The following BABAM2 variants were observed in gnomAD, a reference collection of about 807,000 sequenced individuals.
BABAM2 encodes BRISC and BRCA1-A complex member 2.
A neutral mutation model predicts 54.7 loss-of-function variants in BABAM2; 31 were observed. The observed-to-expected ratio is 0.57, with a 90% CI of 0.43 to 0.77. BABAM2 has a LOEUF of 0.77. Ranked by LOEUF, BABAM2 falls within the 30% of genes least tolerant of loss-of-function variation. The pLI, the probability that BABAM2 is intolerant of heterozygous loss-of-function variation, is 0.00. For synonymous variants in BABAM2, 167 were observed against 162.9 expected (o/e 1.03, Z -0.19); for missense variants, 364 against 455.8 (o/e 0.80, Z 1.83).
chr2:27,935,858 C>A (rs1383446900), intron 3 of BABAM2, among the ~76,000 whole-genome samples: 1 of 152,184 alleles, frequency 6.6e-6, no homozygotes, highest in African/African-American at 2.4e-5. Context: ...TTGGTGGAGG[C>A]TGACATCATT....
chr2:28,111,093 C>G (rs2148726103), intron 6 of BABAM2, among the ~76,000 whole-genome samples: 1 of 151,400 alleles, frequency 6.6e-6, no homozygotes, highest in African/African-American at 2.4e-5. Flanking sequence ...CTCAGCCTCC[C>G]AAGTATCTGG....
At chr2:28,037,793 C>T (rs1262609543) in intron 5 of BABAM2, among the ~76,000 whole-genome samples, 1 of 152,178 alleles carries the variant, frequency 6.6e-6, no homozygotes, top group African/African-American at 2.4e-5. Context: ...CTCTTCACAA[C>T]AGCTCAGAGC....
intron 2 of BABAM2, among the ~76,000 whole-genome samples, chr2:27,908,147 A>G (rs758849294): frequency 2.6e-5 from 4 of 152,164 alleles, no homozygotes; most frequent in Non-Finnish European, 5.9e-5. Flanking sequence ...GATTCAGTGG[A>G]TACATATGCA....
intron 4 of BABAM2, among the ~76,000 whole-genome samples, chr2:27,988,677 G>C (rs1299223036): frequency 6.6e-6 from 1 of 152,184 alleles, no homozygotes; most frequent in East Asian, 1.9e-4. Flanking sequence ...GGTGGTACTT[G>C]TTGGAGCACA....
At chr2:28,046,177 G>C (rs1328022444) in intron 6 of BABAM2, among the ~76,000 whole-genome samples, 1 of 152,194 alleles carries the variant, frequency 6.6e-6, no homozygotes, top group African/African-American at 2.4e-5. Flanking sequence ...GCCCTTGGCC[G>C]GGCGCGGTGG....
intron 3 of BABAM2, among the ~76,000 whole-genome samples, chr2:27,984,073 C>G (rs568125530): frequency 1.3e-5 from 2 of 148,918 alleles, no homozygotes; most frequent in African/African-American, 4.9e-5. Context: ...ATATTTATTA[C>G]TAGCAGTGTT....
chr2:28,224,251 G>C (rs1680670179), intron 7 of BABAM2, among the ~76,000 whole-genome samples: 1 of 152,194 alleles, frequency 6.6e-6, no homozygotes, highest in South Asian at 2.1e-4. Flanking sequence ...CATACTCCCT[G>C]AGGACATAGA....
chr2:28,132,735 G>A (rs1004627007), intron 7 of BABAM2, among the ~76,000 whole-genome samples: 1 of 152,072 alleles, frequency 6.6e-6, no homozygotes, highest in East Asian at 1.9e-4. Flanking sequence ...AGAGCTCTTT[G>A]TAACACTGAA....
intron 5 of BABAM2, 101 bp downstream of exon 5, chr2:28,025,521 A>G (rs1443310571): frequency 8.6e-7 from 1 of 1,160,908 alleles, no homozygotes; most frequent in African/African-American, 1.6e-5. Context: ...TTAGATAAAC[A>G]TGGTCCAGGT....
chr2:28,013,923 C>T (rs1462388502), intron 4 of BABAM2, among the ~76,000 whole-genome samples: 5 of 152,010 alleles, frequency 3.3e-5, no homozygotes, highest in African/African-American at 4.8e-5. Flanking sequence ...CTCTGCTTAT[C>T]GTTAAGATAT....
At chr2:27,953,190 A>G (rs1281066132) in intron 3 of BABAM2, among the ~76,000 whole-genome samples, 1 of 150,262 alleles carries the variant, frequency 6.7e-6, no homozygotes, top group Non-Finnish European at 1.5e-5. Context: ...TTATTTTTTA[A>G]TTTTCTTTGA....
chr2:28,015,444 C>G lies in BABAM2; in HGVS notation c.301-9782C>G, dbSNP rs1356436041. On this transcript the variant is annotated intron_variant, in intron 4 of 11. Coordinates refer to ENST00000379624, the MANE Select transcript of BABAM2 (RefSeq NM_199191.3). ...CCAGATTCAATTTCTGTTGGTTTAT[C>G]TTTAGACACTTCTAGTCAAAAGTAT... Among the ~76,000 whole-genome samples, 5 of 152,166 alleles carry G rather than the reference C, an allele frequency of 3.3e-5. No homozygotes were observed. In the East Asian group the frequency reaches 9.7e-4, roughly 29 times the overall value.
chr2:28,210,764 A>T (rs952465766), intron 7 of BABAM2, among the ~76,000 whole-genome samples: 2 of 152,250 alleles, frequency 1.3e-5, no homozygotes, highest in Non-Finnish European at 2.9e-5. Flanking sequence ...CAAAGCTGTC[A>T]TGAAATACTT....
intron 10 of BABAM2, among the ~76,000 whole-genome samples, chr2:28,262,646 C>G (rs1207153802): frequency 6.6e-6 from 1 of 152,106 alleles, no homozygotes; most frequent in African/African-American, 2.4e-5. Flanking sequence ...TTAGGAGGAA[C>G]AGAGTTGGAG....
At chr2:28,230,835 G>A (rs1163934899) in intron 7 of BABAM2, among the ~76,000 whole-genome samples, 1 of 151,966 alleles carries the variant, frequency 6.6e-6, no homozygotes, top group Non-Finnish European at 1.5e-5. Context: ...GTCCCACCAG[G>A]TTACTTTGTT....
chr2:27,948,745 T>C (rs1319990838), intron 3 of BABAM2, among the ~76,000 whole-genome samples: 1 of 152,156 alleles, frequency 6.6e-6, no homozygotes, highest in Non-Finnish European at 1.5e-5. Context: ...CACTCCAGCC[T>C]GGATGACAGA....
At chr2:28,165,823 G>T (rs545377940) in intron 7 of BABAM2, among the ~76,000 whole-genome samples, 5 of 152,020 alleles carry the variant, frequency 3.3e-5, no homozygotes, top group Non-Finnish European at 5.9e-5. Flanking sequence ...GGCATGAGCC[G>T]CTGTGCCCGG....
chr2:27,947,135 G>A (rs1669357498), intron 3 of BABAM2, among the ~76,000 whole-genome samples: 1 of 151,998 alleles, frequency 6.6e-6, no homozygotes. Flanking sequence ...TTTAAATGGA[G>A]TGTTTAGGTA....
At chr2:27,968,325 T>G (rs1670970537) in intron 3 of BABAM2, among the ~76,000 whole-genome samples, 1 of 152,232 alleles carries the variant, frequency 6.6e-6, no homozygotes, top group African/African-American at 2.4e-5. Flanking sequence ...GCCCCGAGCC[T>G]TGGCAGCTTC....
Sources: gnomAD v4.1 joint callset for allele counts (sites outside exome capture counted in the v4.1 genomes callset) on GRCh38, gnomAD v4.1.1 for gene constraint, MANE v1.5 for transcripts, NCBI Gene and HGNC (gene_info 2026-07-23, HGNC 2026-07-21) for gene names.